The following CUX1 variants were observed in gnomAD, a reference collection of about 807,000 sequenced individuals.
The protein encoded by CUX1 is protein CASP.
A neutral mutation model predicts 158.8 loss-of-function variants in CUX1; 31 were observed. That is an observed-to-expected ratio of 0.20 (90% CI 0.15 to 0.26). CUX1 has a LOEUF of 0.26. Ranked by LOEUF, CUX1 falls within the 10% of genes least tolerant of loss-of-function variation. CUX1 has a pLI of 1.00. For synonymous variants in CUX1, 879 were observed against 862.1 expected (o/e 1.02, Z -0.34); for missense variants, 1,589 against 2,014.6 (o/e 0.79, Z 4.04).
chr7:101,958,460 G>A (rs1351544316), intron 2 of CUX1, among the ~76,000 whole-genome samples: 1 of 150,318 alleles, frequency 6.7e-6, no homozygotes, highest in Non-Finnish European at 1.5e-5. Context: ...ACTCTAGGGT[G>A]GTCCTGAGAT....
chr7:102,217,285 G>T (rs1797326538), intron 20 of CUX1, among the ~76,000 whole-genome samples: 1 of 152,200 alleles, frequency 6.6e-6, no homozygotes, highest in African/African-American at 2.4e-5. Flanking sequence ...CTTTTGATAT[G>T]CTTATTTCCT....
At chr7:102,059,963 G>A (rs1239584362) in intron 3 of CUX1, among the ~76,000 whole-genome samples, 11 of 152,154 alleles carry the variant, frequency 7.2e-5, no homozygotes, top group Middle Eastern at 3.4e-3. Flanking sequence ...TGAATATGCC[G>A]TCTTCACTGT....
chr7:102,090,245 A>C (rs1554481788), intron 4 of CUX1, among the ~76,000 whole-genome samples: 1 of 152,198 alleles, frequency 6.6e-6, no homozygotes, highest in African/African-American at 2.4e-5. Context: ...CTTTTATCCA[A>C]AATGCTTGGA....
chr7:102,169,759 C>T (rs1173621636), intron 9 of CUX1, among the ~76,000 whole-genome samples: 25 of 152,160 alleles, frequency 1.6e-4, no homozygotes, highest in Admixed American at 1.6e-3. Context: ...TTTCCTTGTT[C>T]AGGAATTGCA....
chr7:102,213,173 C>G (rs1796722171), intron 20 of CUX1, among the ~76,000 whole-genome samples: 1 of 152,206 alleles, frequency 6.6e-6, no homozygotes, highest in Non-Finnish European at 1.5e-5. Context: ...AGAATCTAGT[C>G]GCATCTTCCC....
intron 20 of CUX1, among the ~76,000 whole-genome samples, chr7:102,213,494 G>A (rs897904924): frequency 7.2e-5 from 11 of 152,276 alleles, no homozygotes; most frequent in Non-Finnish European, 8.8e-5. Context: ...TCTTCCCGTC[G>A]CTTTCCCTGG....
intron 1 of CUX1, among the ~76,000 whole-genome samples, chr7:101,853,630 A>T (rs1796512274): frequency 7.7e-6 from 1 of 130,288 alleles, no homozygotes; most frequent in South Asian, 2.2e-4. Flanking sequence ...TGTCGGGGTA[A>T]AGAGCAGTTT....
chr7:101,862,165 AT>A (rs1330552563), intron 1 of CUX1, among the ~76,000 whole-genome samples: 7 of 150,914 alleles, frequency 4.6e-5, no homozygotes, highest in Admixed American at 4.6e-4. Flanking sequence ...TTTCCTTTGA[AT>A]TTTTTTTTCT....
intron 2 of CUX1, among the ~76,000 whole-genome samples, chr7:102,017,988 G>C (rs1461286938): frequency 6.6e-6 from 1 of 152,142 alleles, no homozygotes; most frequent in Non-Finnish European, 1.5e-5. Flanking sequence ...ATGAAGTCTT[G>C]CTCTGTCACC....
chr7:102,024,774 T>A (rs1276893697), intron 2 of CUX1, among the ~76,000 whole-genome samples: 1 of 152,204 alleles, frequency 6.6e-6, no homozygotes, highest in African/African-American at 2.4e-5. Flanking sequence ...CCACACTCTT[T>A]TCCCTTGTTA....
intron 1 of CUX1, among the ~76,000 whole-genome samples, chr7:101,882,257 A>G (rs1188738296): frequency 1.3e-5 from 2 of 152,182 alleles, no homozygotes; most frequent in Non-Finnish European, 2.9e-5. Flanking sequence ...AGCATACCAC[A>G]TAAGTAAGTA....
intron 2 of CUX1, among the ~76,000 whole-genome samples, chr7:102,013,536 A>C (rs2129301309): frequency 6.6e-6 from 1 of 152,350 alleles, no homozygotes; most frequent in African/African-American, 2.4e-5. Context: ...GAATTCCAAA[A>C]GTATTCAAAA....
chr7:102,060,911 C>CTTTTT lies in CUX1; in HGVS notation c.190-9410_190-9406dup, dbSNP rs1039443388. Reference sequence around the variant, plus strand: ...ACAGGTGTGAACCACCGCGCCTGGCCTTTTTTTTTTTTTTTTTTTTTTGGA... The same window carrying CTTTTT: ...ACAGGTGTGAACCACCGCGCCTGGCCTTTTTTTTTTTTTTTTTTTTTTTTTTTGGA... On this transcript the variant is annotated intron_variant, in intron 3 of 23. Coordinates refer to ENST00000292535, the MANE Select transcript of CUX1 (RefSeq NM_181552.4). Among the ~76,000 whole-genome samples, 132 of 79,458 alleles carry CTTTTT rather than the reference C, an allele frequency of 1.7e-3. 8 individuals carry two copies. Among genetic ancestry groups the CTTTTT allele is most frequent in the African/African-American group, 9.1e-3 (126 of 13,778 alleles). 52.1% of individuals were successfully genotyped at this position (79,458 alleles called of 152,430 possible).
At chr7:101,991,472 G>T (rs755668537) in intron 2 of CUX1, among the ~76,000 whole-genome samples, 6 of 152,184 alleles carry the variant, frequency 3.9e-5, no homozygotes, top group African/African-American at 7.2e-5. Flanking sequence ...AAAAATATCA[G>T]TTGGGGCCGG....
intron 2 of CUX1, among the ~76,000 whole-genome samples, chr7:102,017,815 C>CCAGCCTGGG (rs1818827988): frequency 6.6e-6 from 1 of 152,212 alleles, no homozygotes; most frequent in African/African-American, 2.4e-5. Context: ...CCACTGCACT[C>CCAGCCTGGG]CAGCCTGGGC....
chr7:101,894,573 A>G (rs1801256327), intron 1 of CUX1, among the ~76,000 whole-genome samples: 2 of 152,174 alleles, frequency 1.3e-5, no homozygotes, highest in Non-Finnish European at 2.9e-5. Flanking sequence ...CGGCCTCCCA[A>G]AGTGCTGGGA....
chr7:102,068,808 G>A (rs1339876721), intron 3 of CUX1, among the ~76,000 whole-genome samples: 1 of 152,204 alleles, frequency 6.6e-6, no homozygotes, highest in East Asian at 1.9e-4. Flanking sequence ...GCAGTCTTGC[G>A]TGTTTCGGCT....
intron 8 of CUX1, among the ~76,000 whole-genome samples, chr7:102,133,497 A>G (rs1421958884): frequency 9.3e-5 from 9 of 96,296 alleles, no homozygotes; most frequent in African/African-American, 3.0e-4. Context: ...TTTTTTTGAG[A>G]TGGAGTCTTG....
intron 8 of CUX1, among the ~76,000 whole-genome samples, chr7:102,124,188 CAT>C (rs1346210219): frequency 2.0e-5 from 3 of 152,188 alleles, no homozygotes; most frequent in African/African-American, 7.2e-5. Flanking sequence ...GATTGTAGCA[CAT>C]ATGGTGATCT....
Sources: gnomAD v4.1 joint callset for allele counts (sites outside exome capture counted in the v4.1 genomes callset) on GRCh38, gnomAD v4.1.1 for gene constraint, MANE v1.5 for transcripts, NCBI Gene and HGNC (gene_info 2026-07-23, HGNC 2026-07-21) for gene names.